Variants in CDH11 observed in about 807,000 individuals in gnomAD.
The protein encoded by CDH11 is cadherin 11, also known as cadherin-11.
CDH11 carries 11 observed loss-of-function variants against 67.8 expected under a neutral mutation model. The observed-to-expected ratio is 0.16, with a 90% confidence interval of 0.10 to 0.27. The LOEUF (loss-of-function observed/expected upper bound fraction) is 0.27. Among genes scored for constraint, CDH11 ranks in the 10% least tolerant of loss-of-function variants. The pLI is 1.00. For missense variants in CDH11, 847 were observed against 1,031.2 expected (o/e 0.82, Z 2.45); for synonymous variants, 419 against 400.0 (o/e 1.05, Z -0.57).
intron 1 of CDH11, among the ~76,000 whole-genome samples, chr16:65,117,365 G>A (rs1043431892): frequency 4.6e-5 from 7 of 152,038 alleles, no homozygotes; most frequent in South Asian, 2.1e-4. Flanking sequence ...TTATAATATA[G>A]CATTAGTTTC....
At chr16:65,030,000 GA>G (rs2073610750) in intron 2 of CDH11, among the ~76,000 whole-genome samples, 1 of 152,162 alleles carries the variant, frequency 6.6e-6, no homozygotes, top group Non-Finnish European at 1.5e-5. Context: ...CAGATTTCCA[GA>G]AATAATCATC....
At chr16:65,080,171 CCT>C (rs1344876836) in intron 1 of CDH11, among the ~76,000 whole-genome samples, 6 of 151,958 alleles carry the variant, frequency 3.9e-5, no homozygotes, top group African/African-American at 7.3e-5. Flanking sequence ...GGGAGCTCTG[CCT>C]CTAACAGCTG....
chr16:65,030,672 G>C (rs1444183370), intron 2 of CDH11, among the ~76,000 whole-genome samples: 1 of 152,206 alleles, frequency 6.6e-6, no homozygotes, highest in African/African-American at 2.4e-5. Context: ...CAAGGCTCAA[G>C]TGATTCTCCT....
At chr16:65,070,978 T>G (rs1477093213) in intron 1 of CDH11, among the ~76,000 whole-genome samples, 1 of 152,070 alleles carries the variant, frequency 6.6e-6, no homozygotes, top group Non-Finnish European at 1.5e-5. Context: ...AATGCATGAG[T>G]CATGCCCAGC....
At chr16:65,099,271 T>C (rs1300111353) in intron 1 of CDH11, among the ~76,000 whole-genome samples, 1 of 152,180 alleles carries the variant, frequency 6.6e-6, no homozygotes, top group Non-Finnish European at 1.5e-5. Flanking sequence ...AGGGAAGGTC[T>C]AGGGAAGCCA....
chr16:65,122,115 G>A, upstream of CDH11: 1 of 530,658 alleles, frequency 1.9e-6, no homozygotes, highest in Non-Finnish European at 3.3e-6. Context: ...GGAGGTGGCG[G>A]GCGGGCAGGC....
chr16:64,990,718 T>C (rs1369542979), intron 6 of CDH11, among the ~76,000 whole-genome samples: 1 of 152,230 alleles, frequency 6.6e-6, no homozygotes, highest in Non-Finnish European at 1.5e-5. Flanking sequence ...TAATTACAAT[T>C]ATTAATAATA....
chr16:65,033,237 A>AACAC (rs57645922), intron 2 of CDH11, among the ~76,000 whole-genome samples: 11,583 of 139,472 alleles, frequency 0.083, 1,209 homozygotes, highest in African/African-American at 0.25. Context: ...AAACTAGGAA[A>AACAC]ACACACACAC....
At chr16:65,015,161 T>C (rs1597094666) in intron 2 of CDH11, among the ~76,000 whole-genome samples, 1 of 151,748 alleles carries the variant, frequency 6.6e-6, no homozygotes, top group Non-Finnish European at 1.5e-5. Flanking sequence ...TGTGAGCCAC[T>C]GCGCCTGGCC....
chr16:65,087,193 C>T (rs1175423756), intron 1 of CDH11, among the ~76,000 whole-genome samples: 1 of 152,180 alleles, frequency 6.6e-6, no homozygotes, highest in Non-Finnish European at 1.5e-5. Flanking sequence ...ACAATGACAG[C>T]AGCAGAGCCT....
chr16:65,061,085 TC>T, intron 1 of CDH11, among the ~76,000 whole-genome samples: 1 of 152,334 alleles, frequency 6.6e-6, no homozygotes, highest in Admixed American at 6.5e-5. Context: ...GCCTCAGGAT[TC>T]CCTTAGTGTA....
chr16:64,991,546 G>A (rs988483146), intron 6 of CDH11: 8 of 489,118 alleles, frequency 1.6e-5, no homozygotes, highest in Admixed American at 3.2e-5. Context: ...CAGGGTTGTA[G>A]AACTTTTTAC....
intron 1 of CDH11, among the ~76,000 whole-genome samples, chr16:65,101,069 T>C (rs1244427889): frequency 1.3e-5 from 2 of 152,236 alleles, no homozygotes; most frequent in Non-Finnish European, 2.9e-5. Flanking sequence ...ATGTGTAGGC[T>C]ATATTCTTCC....
chr16:64,976,891 C>G (rs1206680413), intron 8 of CDH11, among the ~76,000 whole-genome samples: 3 of 137,560 alleles, frequency 2.2e-5, no homozygotes, highest in Admixed American at 1.5e-4. Context: ...ACCAACCAAC[C>G]AACAAAAAAG....
intron 1 of CDH11, among the ~76,000 whole-genome samples, chr16:65,087,055 A>G: frequency 6.6e-6 from 1 of 152,186 alleles, no homozygotes; most frequent in East Asian, 1.9e-4. Context: ...CTAGGCCAGC[A>G]TGCCCTAGAA....
rs1351456864 is a variant in CDH11 at position 64,945,680 on chromosome 16, T to A, written c.*1923A>T. ...TTCTAAAGTGACATTGTCCACAAAATGTATTCCATTGAAGTGTTCAGCCCA... is the reference window on the plus strand; with the variant it reads ...TTCTAAAGTGACATTGTCCACAAAAAGTATTCCATTGAAGTGTTCAGCCCA... On this transcript the variant is annotated 3_prime_UTR_variant, in exon 13 of 13. Coordinates refer to ENST00000268603, the MANE Select transcript of CDH11 (RefSeq NM_001797.4). 3 of 1,038,620 alleles carry A rather than the reference T, an allele frequency of 2.9e-6. No homozygotes were observed. The highest frequency in any genetic ancestry group is 3.5e-6 in the Non-Finnish European group (3 of 862,332). 64.3% of individuals were successfully genotyped at this position (1,038,620 alleles called of 1,614,324 possible).
chr16:65,028,729 A>T (rs1236823021), intron 2 of CDH11, among the ~76,000 whole-genome samples: 2 of 152,166 alleles, frequency 1.3e-5, no homozygotes, highest in Non-Finnish European at 2.9e-5. Flanking sequence ...ACAGATGCCC[A>T]ACCCTCCATG....
chr16:64,972,844 T>C lies in CDH11; in HGVS notation c.1390+60A>G. ...CTCAGCTATTTTACTTTCCAGAATA[T>C]AGAGTCTGAAGCGATAATACTTGGT... On this transcript the variant is annotated intron_variant, in intron 9 of 12. Transcript: ENST00000268603. The C allele has an allele frequency of 4.5e-6, 7 of 1,556,316 alleles. No homozygotes were observed. The South Asian group carries it at 7.9e-5, about 18-fold the overall frequency.
chr16:65,079,209 A>G (rs1425947596), intron 1 of CDH11, among the ~76,000 whole-genome samples: 3 of 152,180 alleles, frequency 2.0e-5, no homozygotes, highest in Non-Finnish European at 4.4e-5. Flanking sequence ...TAGTAGACAG[A>G]TGGGACGGAA....
Sources: gnomAD v4.1 joint callset for allele counts (sites outside exome capture counted in the v4.1 genomes callset) on GRCh38, gnomAD v4.1.1 for gene constraint, MANE v1.5 for transcripts, NCBI Gene and HGNC (gene_info 2026-07-23, HGNC 2026-07-21) for gene names.